The following STRN3 variants were observed in gnomAD, a reference collection of about 807,000 sequenced individuals.
STRN3 encodes striatin-3.
A neutral mutation model predicts 95.6 loss-of-function variants in STRN3; 29 were observed. That is an observed-to-expected ratio of 0.30 (90% CI 0.23 to 0.41). The LOEUF is 0.41. Ranked by LOEUF, STRN3 falls within the 10% of genes least tolerant of loss-of-function variation. The pLI, the probability that STRN3 is intolerant of heterozygous loss-of-function variation, is 1.00. For synonymous variants in STRN3, 331 were observed against 357.6 expected (o/e 0.93, Z 0.84); for missense variants, 890 against 972.1 (o/e 0.92, Z 1.12).
At chr14:31,018,775 C>G (rs1455256712) in intron 1 of STRN3, 1 of 468,110 alleles carries the variant, frequency 2.1e-6, no homozygotes, top group Non-Finnish European at 4.2e-6. Context: ...AATAGCAAAG[C>G]AGAGAGAAGC....
chr14:30,901,288 A>T (rs1448354697), intron 16 of STRN3, among the ~76,000 whole-genome samples: 1 of 151,990 alleles, frequency 6.6e-6, no homozygotes, highest in East Asian at 1.9e-4. Context: ...AAAAAAAAAA[A>T]AAAATTTAAA....
chr14:31,023,280 C>A (rs541667573), intron 1 of STRN3, among the ~76,000 whole-genome samples: 90 of 152,136 alleles, frequency 5.9e-4, no homozygotes, highest in African/African-American at 2.0e-3. Context: ...AGTTAAGAAA[C>A]CACTGTCCTA....
In STRN3 at chr14:30,972,006, A is replaced by G. The variant is rs143114920; in HGVS notation, c.283-15764T>C. On this transcript the variant is annotated intron_variant, in intron 1 of 17. Transcript: ENST00000357479. ...CAACTAAGCCAAGACATGTTAAAAA[A>G]AAGTTTGAAAAGAAAGCTGTAAGGA... 1.6e-4 allele frequency among the ~76,000 whole-genome samples: 25 copies of G among 152,364 alleles called. 2 individuals are homozygous for G. The highest frequency in any genetic ancestry group is 5.5e-4 in the African/African-American group (23 of 41,590).
chr14:31,010,576 A>C (rs1002642453), intron 1 of STRN3, among the ~76,000 whole-genome samples: 3 of 152,046 alleles, frequency 2.0e-5, no homozygotes, highest in African/African-American at 7.2e-5. Flanking sequence ...AAAATATCTG[A>C]ACTTTTTCAA....
intron 5 of STRN3, among the ~76,000 whole-genome samples, chr14:30,944,555 A>ATATATACATGTATATATACACG (rs1566449723): frequency 2.0e-5 from 1 of 49,506 alleles, no homozygotes; most frequent in Non-Finnish European, 3.8e-5. Context: ...ATATACACGT[A>ATATATACATGTATATATACACG]TATATATATA....
intron 1 of STRN3, among the ~76,000 whole-genome samples, chr14:30,973,564 T>C (rs1472898769): frequency 6.6e-6 from 1 of 152,160 alleles, no homozygotes; most frequent in Non-Finnish European, 1.5e-5. Flanking sequence ...CTAACACCAA[T>C]CTTTCTCAAA....
At chr14:30,900,720 G>T (rs1470599136) in intron 16 of STRN3, among the ~76,000 whole-genome samples, 1 of 148,060 alleles carries the variant, frequency 6.8e-6, no homozygotes, top group Admixed American at 6.8e-5. Flanking sequence ...CTGCACTATA[G>T]CTCTGGGCAA....
chr14:31,013,509 A>C (rs1323102610), intron 1 of STRN3, among the ~76,000 whole-genome samples: 1 of 152,196 alleles, frequency 6.6e-6, no homozygotes, highest in African/African-American at 2.4e-5. Flanking sequence ...ACTAAAAAAA[A>C]AGTAGTCGAT....
At chr14:30,911,278 T>A in intron 12 of STRN3, 116 bp from the exon 13 acceptor site, 1 of 1,101,932 alleles carries the variant, frequency 9.1e-7, no homozygotes, top group Non-Finnish European at 1.3e-6. Flanking sequence ...TAAGAGAACA[T>A]GTACACCTGA....
chr14:30,905,677 T>C (rs1252542660), intron 14 of STRN3, 119 bp from the exon 15 acceptor site: 20 of 1,058,496 alleles, frequency 1.9e-5, no homozygotes, highest in Non-Finnish European at 1.2e-5. Flanking sequence ...TGAAATACTG[T>C]TAATAATGAA....
At chr14:30,901,112 A>G (rs1034711032) in intron 16 of STRN3, among the ~76,000 whole-genome samples, 1 of 152,160 alleles carries the variant, frequency 6.6e-6, no homozygotes, top group Admixed American at 6.5e-5. Context: ...GGTTTCATAA[A>G]AATAGTTCAA....
intron 16 of STRN3, among the ~76,000 whole-genome samples, chr14:30,901,984 A>G (rs1266928302): frequency 6.6e-6 from 1 of 151,870 alleles, no homozygotes; most frequent in Non-Finnish European, 1.5e-5. Context: ...CCTGACCAAC[A>G]TGGAGAAACC....
chr14:30,945,615 A>G (rs1196430897), intron 5 of STRN3, among the ~76,000 whole-genome samples: 1 of 152,162 alleles, frequency 6.6e-6, no homozygotes, highest in East Asian at 1.9e-4. Flanking sequence ...CAAAAATAAT[A>G]ATAATAAAAT....
intron 4 of STRN3, 134 bp downstream of exon 4, chr14:30,950,729 T>C (rs1879596416): frequency 1.5e-5 from 12 of 776,980 alleles, no homozygotes; most frequent in Non-Finnish European, 2.4e-5. Context: ...TCCAAGCATC[T>C]ACACAGCAAA....
At chr14:30,905,016 G>C (rs1896424149) in intron 15 of STRN3, among the ~76,000 whole-genome samples, 1 of 148,458 alleles carries the variant, frequency 6.7e-6, no homozygotes, top group Non-Finnish European at 1.5e-5. Flanking sequence ...TGGATGAAGA[G>C]AGACCTGAGA....
Position 30,947,152 on chromosome 14 carries a change from CTTT to C in STRN3, c.651_653del (p.Lys218del). On this transcript the variant is annotated inframe_deletion, in exon 5 of 18. Coordinates refer to ENST00000357479, the MANE Select transcript of STRN3 (RefSeq NM_001083893.2). ...CTCCATTCAGGATCTGTTCTAAATTCTTTGTTTCTACTGATCCATTTGGTTCTG... is the reference window on the plus strand; with the variant it reads ...CTCCATTCAGGATCTGTTCTAAATTCGTTTCTACTGATCCATTTGGTTCTG... The C allele has an allele frequency of 6.2e-7, 1 of 1,612,290 alleles. No homozygotes were observed. The highest frequency in any genetic ancestry group is 8.5e-7 in the Non-Finnish European group (1 of 1,179,414).
At chr14:30,968,769 T>A (rs188534802) in intron 1 of STRN3, among the ~76,000 whole-genome samples, 2 of 150,992 alleles carry the variant, frequency 1.3e-5, no homozygotes, top group Non-Finnish European at 2.9e-5. Context: ...AAAAAGGTTA[T>A]AAAAGGAAAT....
At chr14:30,944,563 A>ATATACATG (rs1879262466) in intron 5 of STRN3, among the ~76,000 whole-genome samples, 1 of 72,602 alleles carries the variant, frequency 1.4e-5, no homozygotes, top group African/African-American at 4.6e-5. Flanking sequence ...GTATATATAT[A>ATATACATG]TATATATACA....
chr14:30,980,072 A>G (rs1441804197), intron 1 of STRN3, among the ~76,000 whole-genome samples: 1 of 151,774 alleles, frequency 6.6e-6, no homozygotes, highest in Non-Finnish European at 1.5e-5. Flanking sequence ...ACATGGTGAA[A>G]TCACATCTCT....
Sources: gnomAD v4.1 joint callset for allele counts (sites outside exome capture counted in the v4.1 genomes callset) on GRCh38, gnomAD v4.1.1 for gene constraint, MANE v1.5 for transcripts, NCBI Gene and HGNC (gene_info 2026-07-23, HGNC 2026-07-21) for gene names.